PDE10A: variants seen among roughly 807,000 people sequenced by gnomAD.
PDE10A encodes cAMP and cAMP-inhibited cGMP 3',5'-cyclic phosphodiesterase 10A.
In PDE10A, 39 loss-of-function variants were observed where a neutral mutation model predicts 97.7. That is an observed-to-expected ratio of 0.40 (90% CI 0.31 to 0.52). The LOEUF is 0.52. PDE10A is among the 20% of genes least tolerant of loss of function. PDE10A has a pLI of 0.56. For synonymous variants in PDE10A, 371 were observed against 376.8 expected (o/e 0.98, Z 0.18); for missense variants, 731 against 1,047.8 (o/e 0.70, Z 4.17).
intron 19 of PDE10A, among the ~76,000 whole-genome samples, chr6:165,341,769 C>A (rs1240204957): frequency 6.6e-6 from 1 of 152,052 alleles, no homozygotes. Flanking sequence ...TATGGTGTTA[C>A]GGAGGACTTA....
At chr6:165,562,397 A>T (rs763622660) in intron 1 of PDE10A, among the ~76,000 whole-genome samples, 6 of 152,250 alleles carry the variant, frequency 3.9e-5, no homozygotes, top group African/African-American at 1.4e-4. Flanking sequence ...CACTAGTATT[A>T]GCTCTTCTCA....
chr6:165,458,938 T>C (rs573420673), intron 3 of PDE10A, among the ~76,000 whole-genome samples: 1 of 152,168 alleles, frequency 6.6e-6, no homozygotes, highest in African/African-American at 2.4e-5. Flanking sequence ...CCCGTCTAAG[T>C]TCAAATCCCA....
intron 21 of PDE10A, among the ~76,000 whole-genome samples, chr6:165,333,533 GA>G (rs1411011393): frequency 1.3e-5 from 2 of 152,188 alleles, no homozygotes; most frequent in Non-Finnish European, 2.9e-5. Flanking sequence ...TTCCTACTGA[GA>G]AATGTCGACA....
chr6:165,765,450 C>T (rs1002876202), intron 1 of PDE10A, among the ~76,000 whole-genome samples: 8 of 152,270 alleles, frequency 5.3e-5, no homozygotes, highest in African/African-American at 1.9e-4. Flanking sequence ...AGCTAAGGCC[C>T]GGCGAGAAAT....
chr6:165,725,806 C>T (rs1792279461), intron 1 of PDE10A, among the ~76,000 whole-genome samples: 1 of 152,148 alleles, frequency 6.6e-6, no homozygotes, highest in Admixed American at 6.5e-5. Flanking sequence ...ATTCTTTCTG[C>T]CCCTAGCAAG....
At chr6:165,669,404 A>G (rs1397342775) in intron 1 of PDE10A, among the ~76,000 whole-genome samples, 1 of 152,164 alleles carries the variant, frequency 6.6e-6, no homozygotes, top group Non-Finnish European at 1.5e-5. Context: ...CTGCACTAAT[A>G]TTGCCATCAT....
intron 1 of PDE10A, among the ~76,000 whole-genome samples, chr6:165,961,774 G>A (rs995886916): frequency 1.5e-4 from 23 of 152,158 alleles, no homozygotes; most frequent in Admixed American, 7.9e-4. Flanking sequence ...AGACATGCCC[G>A]CTTCAGAGCA....
chr6:165,718,820 A>C (rs772063646), intron 1 of PDE10A, among the ~76,000 whole-genome samples: 1 of 152,224 alleles, frequency 6.6e-6, no homozygotes. Context: ...GGATAACAAG[A>C]TAACCAAGGA....
intron 1 of PDE10A, among the ~76,000 whole-genome samples, chr6:165,796,108 T>C (rs892239244): frequency 4.4e-4 from 65 of 146,932 alleles, no homozygotes; most frequent in African/African-American, 1.6e-3. Context: ...TTTTTTTTTT[T>C]TTTTTGAGAC....
At chr6:165,653,974 T>G (rs143661606) in intron 1 of PDE10A, among the ~76,000 whole-genome samples, 1,741 of 152,152 alleles carry the variant, frequency 0.011, 103 homozygotes, top group Admixed American at 0.11. Flanking sequence ...CTGTCCAGGC[T>G]CTCTCCTCTC....
At chr6:165,385,259 G>A (rs562291850) in intron 17 of PDE10A, among the ~76,000 whole-genome samples, 2 of 151,998 alleles carry the variant, frequency 1.3e-5, no homozygotes, top group South Asian at 4.2e-4. Flanking sequence ...TGCATTCCTG[G>A]GTCAATGAGA....
chr6:165,799,461 C>A (rs1325923087), intron 1 of PDE10A, among the ~76,000 whole-genome samples: 1 of 152,026 alleles, frequency 6.6e-6, no homozygotes, highest in African/African-American at 2.4e-5. Flanking sequence ...CAATAAAGTT[C>A]TTTCACTATG....
At chr6:165,475,310 G>A (rs572649945) in intron 3 of PDE10A, among the ~76,000 whole-genome samples, 1 of 152,164 alleles carries the variant, frequency 6.6e-6, no homozygotes, top group Admixed American at 6.5e-5. Flanking sequence ...TGCATTAACA[G>A]AAATTTTATA....
chr6:165,411,400 A>G (rs1018905960), intron 13 of PDE10A, among the ~76,000 whole-genome samples: 11 of 152,332 alleles, frequency 7.2e-5, no homozygotes, highest in Non-Finnish European at 1.5e-4. Context: ...TAGTGTCTTC[A>G]TAAGAAGAGT....
At chr6:165,642,592 C>T (rs1020038376) in intron 1 of PDE10A, among the ~76,000 whole-genome samples, 5 of 152,096 alleles carry the variant, frequency 3.3e-5, no homozygotes, top group African/African-American at 1.2e-4. Context: ...AAAGACTAGC[C>T]CCTGGAATCC....
intron 1 of PDE10A, among the ~76,000 whole-genome samples, chr6:165,622,739 G>T (rs1372066364): frequency 1.3e-5 from 2 of 152,148 alleles, no homozygotes; most frequent in Non-Finnish European, 2.9e-5. Context: ...TGTAAAGAAA[G>T]AAACTTCCTT....
chr6:165,524,054 A>G (rs1036872325), intron 2 of PDE10A, among the ~76,000 whole-genome samples: 5 of 152,176 alleles, frequency 3.3e-5, no homozygotes, highest in Non-Finnish European at 5.9e-5. Flanking sequence ...TCTTTCTCCC[A>G]TGCTGGATGC....
At chr6:165,351,019 T>C (rs1782658096) in intron 18 of PDE10A, among the ~76,000 whole-genome samples, 1 of 152,206 alleles carries the variant, frequency 6.6e-6, no homozygotes, top group African/African-American at 2.4e-5. Flanking sequence ...AATCGATTTC[T>C]AGGATCCCAA....
chr6:165,768,792 T>A (rs927238086), intron 1 of PDE10A, among the ~76,000 whole-genome samples: 29 of 152,128 alleles, frequency 1.9e-4, no homozygotes, highest in Admixed American at 3.9e-4. Flanking sequence ...CCCCTAAATT[T>A]GAGTCAAATC....
Sources: gnomAD v4.1 joint callset for allele counts (sites outside exome capture counted in the v4.1 genomes callset) on GRCh38, gnomAD v4.1.1 for gene constraint, MANE v1.5 for transcripts, NCBI Gene and HGNC (gene_info 2026-07-23, HGNC 2026-07-21) for gene names.